The following CAPN8 variants were observed in gnomAD, a reference collection of about 807,000 sequenced individuals.
CAPN8 encodes the protein calpain 8.
Under a neutral mutation model 80.9 loss-of-function variants are expected in CAPN8, and 87 were observed. That is an observed-to-expected ratio of 1.07 (90% CI 0.90 to 1.28). CAPN8 has a LOEUF of 1.28. CAPN8 is among the 50% of genes most tolerant of loss of function. The pLI is 0.00. For synonymous variants in CAPN8, 299 were observed against 273.8 expected, an observed-to-expected ratio of 1.09 and a Z score of -0.91; for missense variants, 757 against 702.0, an observed-to-expected ratio of 1.08 and a Z score of -0.89.
At chr1:223,635,188 T>C (rs1657883353) in intron 2 of CAPN8, among the ~76,000 whole-genome samples, 2 of 152,232 alleles carry the variant, frequency 1.3e-5, no homozygotes, top group African/African-American at 2.4e-5. Context: ...AGAAGGCTGC[T>C]CTAAATGTTT....
chr1:223,650,057 C>T (rs955869402), intron 2 of CAPN8, among the ~76,000 whole-genome samples: 1 of 152,274 alleles, frequency 6.6e-6, no homozygotes, highest in East Asian at 1.9e-4. Flanking sequence ...GAAGACTACC[C>T]GTGCATGCTG....
chr1:223,632,951 G>T (rs1337943284), intron 2 of CAPN8, among the ~76,000 whole-genome samples: 4 of 152,188 alleles, frequency 2.6e-5, no homozygotes, highest in African/African-American at 7.2e-5. Flanking sequence ...TTCCCATCTG[G>T]AAAGTCCACA....
In CAPN8 at chr1:223,622,325, T is replaced by C. The variant is rs546412730; in HGVS notation, c.899+490A>G. Reference sequence around the variant, plus strand: ...AGTCTCTCCAGTCAGTGATCAAACGTGCCTAGGGTAGGAGCGAGTGCCGCT... The same window carrying C: ...AGTCTCTCCAGTCAGTGATCAAACGCGCCTAGGGTAGGAGCGAGTGCCGCT... On this transcript the variant is annotated intron_variant, in intron 7 of 20. Transcript: ENST00000366872. Among the ~76,000 whole-genome samples, 54 of 152,230 alleles carry C rather than the reference T, an allele frequency of 3.5e-4. No individual in the cohort carries two copies. The South Asian group carries it at 4.4e-3, about 12-fold the overall frequency.
At chr1:223,553,352 G>A (rs890444429) in intron 14 of CAPN8, among the ~76,000 whole-genome samples, 1 of 152,218 alleles carries the variant, frequency 6.6e-6, no homozygotes, top group Non-Finnish European at 1.5e-5. Context: ...CAGGCTGCTG[G>A]TCTCCCAGAG....
rs1656578810 is a variant in CAPN8, at chr1:223,544,910, T to C, written c.1834-60A>G. 2.3e-5 allele frequency: 35 copies of C among 1,549,464 alleles called. 1 individual carries two copies. In the South Asian group the frequency reaches 3.9e-4, roughly 17 times the overall value. ...CCATTCACGGCCCCTGCCAGAACCA[T>C]CTCCCTCCACCACACTGCTTTCTCA... is the stretch of plus-strand genomic sequence containing the variant. On this transcript the variant is annotated intron_variant, in intron 17 of 20. Transcript: ENST00000366872.
chr1:223,663,179 C>G (rs572004507), intron 1 of CAPN8, among the ~76,000 whole-genome samples: 1 of 152,196 alleles, frequency 6.6e-6, no homozygotes, highest in Admixed American at 6.5e-5. Flanking sequence ...CTACAATTAC[C>G]GCATTTCCAC....
Position 223,609,286 on chromosome 1 carries a change from C to T in CAPN8, c.1402G>A (p.Val468Ile), listed in dbSNP as rs1656974867. The change falls in exon 12 of 21, where the codon GTC becomes ATC. Residue 468 changes from valine (V) to isoleucine (I), a missense_variant. Physicochemically the swap from Val to Ile is conservative, Grantham distance 29. Coordinates refer to ENST00000366872, the MANE Select transcript of CAPN8 (RefSeq NM_001143962.2). ...YQPSARTSTYVNLREVSGRAR... is the reference protein window; with the variant it reads ...YQPSARTSTYINLREVSGRAR... Reference sequence around the variant, plus strand: ...CGGCCAGAGACCTCCCGCAGGTTGACGTAGGTGCTGGTGCGGGCTGAGGGC... The same window carrying T: ...CGGCCAGAGACCTCCCGCAGGTTGATGTAGGTGCTGGTGCGGGCTGAGGGC... The T allele has an allele frequency of 1.0e-5, 4 of 398,444 alleles. No homozygotes were observed. The highest frequency in any genetic ancestry group is 2.1e-5 in the African/African-American group (1 of 48,570). 24.7% of individuals were successfully genotyped at this position (398,444 alleles called of 1,614,324 possible). A position where few individuals can be genotyped will look rare whatever the true frequency, so the allele number is the denominator to read the frequency against.
At chr1:223,654,874 T>C (rs1658439569) in intron 1 of CAPN8, among the ~76,000 whole-genome samples, 1 of 138,940 alleles carries the variant, frequency 7.2e-6, no homozygotes, top group African/African-American at 2.7e-5. Flanking sequence ...GTATTTTTAG[T>C]AGGGATGGGG....
intron 2 of CAPN8, among the ~76,000 whole-genome samples, chr1:223,643,667 C>A (rs1658105594): frequency 1.3e-5 from 2 of 152,364 alleles, no homozygotes; most frequent in South Asian, 4.1e-4. Context: ...CCACTGAGTG[C>A]ACAGAAGCCT....
intron 5 of CAPN8, 57 bp from the exon 6 acceptor site, chr1:223,625,945 G>A (rs967220700): frequency 3.7e-5 from 51 of 1,396,628 alleles, no homozygotes; most frequent in South Asian, 1.2e-4. Flanking sequence ...GGGGCCGGCC[G>A]TAGAATGCTT....
chr1:223,615,681 T>G (rs1467848002), intron 10 of CAPN8: 3 of 517,302 alleles, frequency 5.8e-6, no homozygotes, highest in Admixed American at 4.5e-5. Context: ...AAGCCTGTAC[T>G]TGGAAAAGAG....
At chr1:223,655,884 C>T (rs1287673186) in intron 1 of CAPN8, among the ~76,000 whole-genome samples, 1 of 152,112 alleles carries the variant, frequency 6.6e-6, no homozygotes, top group Non-Finnish European at 1.5e-5. Flanking sequence ...TAATCGGTGG[C>T]ATCCTGGGCT....
Position 223,654,842 on chromosome 1 carries a change from ATTTTTTTT to A in CAPN8, c.238-451_238-444del, listed in dbSNP as rs35365292. ...AGGCACGTGCCACCACACCCGGCTA[ATTTTTTTT>A]TTTTTTTTTTTTTGTATTTTTAGTA... On this transcript the variant is annotated intron_variant, in intron 1 of 20. Coordinates refer to ENST00000366872, the MANE Select transcript of CAPN8 (RefSeq NM_001143962.2). 2.7e-5 allele frequency among the ~76,000 whole-genome samples: 3 copies of A among 111,736 alleles called. No individual in the cohort carries two copies. In the South Asian group the frequency reaches 9.4e-4, roughly 35 times the overall value. 73.3% of individuals were successfully genotyped at this position (111,736 alleles called of 152,430 possible). A position where few individuals can be genotyped will look rare whatever the true frequency, so the allele number is the denominator to read the frequency against.
intron 2 of CAPN8, among the ~76,000 whole-genome samples, chr1:223,652,297 G>A (rs57514226): frequency 4.0e-5 from 6 of 151,836 alleles, no homozygotes; most frequent in African/African-American, 1.5e-4. Context: ...AGCCGATATC[G>A]GGCCACTGCA....
intron 1 of CAPN8, among the ~76,000 whole-genome samples, chr1:223,662,912 G>A (rs2102742469): frequency 6.6e-6 from 1 of 152,332 alleles, no homozygotes; most frequent in Non-Finnish European, 1.5e-5. Context: ...TAAGATCTTA[G>A]AGGATAAGTC....
At chr1:223,633,468 C>A (rs1272539521) in intron 2 of CAPN8, among the ~76,000 whole-genome samples, 1 of 151,732 alleles carries the variant, frequency 6.6e-6, no homozygotes, top group African/African-American at 2.4e-5. Flanking sequence ...TCAAGACCAG[C>A]CTGGTCAACA....
intron 10 of CAPN8, among the ~76,000 whole-genome samples, chr1:223,613,287 C>T (rs1310718963): frequency 3.3e-5 from 5 of 152,218 alleles, no homozygotes; most frequent in Non-Finnish European, 7.3e-5. Flanking sequence ...GTAGAAGAGT[C>T]CAGGGTCACA....
intron 20 of CAPN8, among the ~76,000 whole-genome samples, chr1:223,542,195 GTA>G (rs72247791): frequency 0.031 from 4,741 of 151,444 alleles, 265 homozygotes; most frequent in African/African-American, 0.11. Context: ...ATATGTGTGT[GTA>G]TATATATATC....
chr1:223,546,372 G>A (rs902010769), intron 16 of CAPN8, among the ~76,000 whole-genome samples: 6 of 151,984 alleles, frequency 3.9e-5, no homozygotes, highest in Non-Finnish European at 8.8e-5. Context: ...CTCCAGCCTG[G>A]GCAACATAAT....
Sources: allele counts gnomAD v4.1 joint callset (sites outside exome capture counted in the v4.1 genomes callset), GRCh38; gene constraint gnomAD v4.1.1; transcripts MANE v1.5; gene names NCBI Gene and HGNC (gene_info 2026-07-23, HGNC 2026-07-21).